FSTL4: variants seen among roughly 807,000 people sequenced by gnomAD.
The protein encoded by FSTL4 is follistatin-related protein 4.
Under a neutral mutation model 78.2 loss-of-function variants are expected in FSTL4, and 28 were observed. The observed-to-expected ratio is 0.36, with a 90% CI of 0.27 to 0.49. FSTL4 has a LOEUF of 0.49. Ranked by LOEUF, FSTL4 falls within the 20% of genes least tolerant of loss-of-function variation. The probability of loss-of-function intolerance (pLI) is 0.98; values close to 1 mark genes in which losing one functional copy is unlikely to be tolerated. For synonymous variants in FSTL4, 422 were observed against 440.5 expected (o/e 0.96, Z 0.53); for missense variants, 922 against 1,084.9 (o/e 0.85, Z 2.11).
At chr5:133,245,173 T>C (rs1196101543) in intron 7 of FSTL4, among the ~76,000 whole-genome samples, 1 of 149,264 alleles carries the variant, frequency 6.7e-6, no homozygotes, top group East Asian at 2.0e-4. Context: ...ACTGAACCAC[T>C]GCCCCATCAG....
At chr5:133,803,567 A>C in the FSTL4 span, among the ~76,000 whole-genome samples, 36 of 152,288 alleles carry the variant, frequency 2.4e-4, no homozygotes, top group African/African-American at 8.7e-4. Context: ...AATGGGAAAA[A>C]GTCCTCTGCA....
chr5:133,802,176 G>T, the FSTL4 span, among the ~76,000 whole-genome samples: 2 of 152,208 alleles, frequency 1.3e-5, no homozygotes, highest in African/African-American at 4.8e-5. Flanking sequence ...TAAGGGCCTG[G>T]ACTGATTTTG....
chr5:133,240,996 C>T (rs146592742), intron 7 of FSTL4, among the ~76,000 whole-genome samples: 33 of 152,146 alleles, frequency 2.2e-4, no homozygotes, highest in Non-Finnish European at 4.7e-4. Flanking sequence ...GGGCTGGGGA[C>T]GAGAGGGCAG....
chr5:133,680,469 C>G, the FSTL4 span, among the ~76,000 whole-genome samples: 267 of 152,260 alleles, frequency 1.8e-3, no homozygotes, highest in Middle Eastern at 0.014. Context: ...TCCACATGAC[C>G]GAAAGTAAGC....
chr5:133,339,102 C>T (rs1031100737), intron 4 of FSTL4, among the ~76,000 whole-genome samples: 1 of 152,106 alleles, frequency 6.6e-6, no homozygotes, highest in Admixed American at 6.5e-5. Flanking sequence ...CCCGTTCTGG[C>T]GACCCTGCGC....
chr5:133,387,615 G>C (rs1324984753), intron 4 of FSTL4, among the ~76,000 whole-genome samples: 2 of 151,992 alleles, frequency 1.3e-5, no homozygotes. Context: ...CTCTCTAATT[G>C]GTTAATCACA....
rs559771816 is a variant in FSTL4 at position 133,354,677 on chromosome 5, A to G, written c.410-38025T>C. Among the ~76,000 whole-genome samples the G allele has an allele frequency of 6.1e-4, 93 of 152,354 alleles. 1 individual carries two copies. In the South Asian group the frequency reaches 0.018, roughly 30 times the overall value. On this transcript the variant is annotated intron_variant, in intron 4 of 15. Transcript: ENST00000265342. ...ACTGGGCAGGGAATCCATGAGACCA[A>G]TCCATAGATACTGGTATAACTAAGG... is the stretch of plus-strand genomic sequence containing the variant.
intron 6 of FSTL4, among the ~76,000 whole-genome samples, chr5:133,251,248 C>T (rs1344998511): frequency 1.3e-5 from 2 of 152,156 alleles, no homozygotes; most frequent in Non-Finnish European, 2.9e-5. Flanking sequence ...CCGTACTCTG[C>T]GGGTCTGTAG....
In FSTL4 at chr5:133,489,775, C is replaced by A. The variant is rs1036389901; in HGVS notation, c.160+77411G>T. 3.3e-5 allele frequency among the ~76,000 whole-genome samples: 5 copies of A among 152,070 alleles called. No homozygotes were observed. In the East Asian group the frequency reaches 9.6e-4, roughly 29 times the overall value. ...GCTCTACCTGTAGGGCCCTGATGCC[C>A]TCCCTAGGTGGTGACAAAAGACAAG... On this transcript the variant is annotated intron_variant, in intron 3 of 15. Coordinates refer to ENST00000265342, the MANE Select transcript of FSTL4 (RefSeq NM_015082.2).
intron 4 of FSTL4, among the ~76,000 whole-genome samples, chr5:133,387,150 G>A (rs1755719100): frequency 6.6e-6 from 1 of 152,088 alleles, no homozygotes; most frequent in African/African-American, 2.4e-5. Context: ...GGTTGTTCAT[G>A]TCCCACCCAC....
intron 3 of FSTL4, among the ~76,000 whole-genome samples, chr5:133,408,778 G>T (rs1421578201): frequency 6.6e-6 from 1 of 152,150 alleles, no homozygotes; most frequent in Non-Finnish European, 1.5e-5. Flanking sequence ...GATAACAATG[G>T]TCCTTACGGG....
chr5:133,749,085 G>A, the FSTL4 span, among the ~76,000 whole-genome samples: 2 of 152,200 alleles, frequency 1.3e-5, no homozygotes, highest in South Asian at 4.1e-4. Context: ...TTGGTTGTGG[G>A]TAGATAATAG....
the FSTL4 span, among the ~76,000 whole-genome samples, chr5:133,656,780 T>C: frequency 2.7e-3 from 412 of 152,278 alleles, no homozygotes; most frequent in African/African-American, 9.5e-3. Flanking sequence ...TTGATTTGTG[T>C]CTTTAAAAGA....
chr5:133,594,231 C>G (rs1364156781), intron 2 of FSTL4, among the ~76,000 whole-genome samples: 1 of 152,200 alleles, frequency 6.6e-6, no homozygotes, highest in Non-Finnish European at 1.5e-5. Flanking sequence ...CACTCTGTTG[C>G]CCAGGCTGGA....
intron 3 of FSTL4, among the ~76,000 whole-genome samples, chr5:133,541,965 C>G (rs1016593247): frequency 2.7e-5 from 4 of 147,762 alleles, no homozygotes; most frequent in Non-Finnish European, 5.9e-5. Context: ...TAACTTTAAG[C>G]AATACTTAAC....
intron 6 of FSTL4, among the ~76,000 whole-genome samples, chr5:133,279,100 G>A (rs1473210877): frequency 6.6e-6 from 1 of 152,224 alleles, no homozygotes; most frequent in African/African-American, 2.4e-5. Flanking sequence ...TTTCTATAGA[G>A]AAGTTCTTTA....
At chr5:133,679,761 C>T in the FSTL4 span, among the ~76,000 whole-genome samples, 1 of 152,110 alleles carries the variant, frequency 6.6e-6, no homozygotes, top group African/African-American at 2.4e-5. Flanking sequence ...TGCACATGGC[C>T]TCCTGCTTGT....
At chr5:133,321,437 C>T (rs974035074) in intron 4 of FSTL4, among the ~76,000 whole-genome samples, 2 of 152,210 alleles carry the variant, frequency 1.3e-5, no homozygotes, top group African/African-American at 4.8e-5. Context: ...AGCCTTGATC[C>T]ACAGGATACT....
At chr5:133,690,585 G>C in the FSTL4 span, among the ~76,000 whole-genome samples, 1 of 152,280 alleles carries the variant, frequency 6.6e-6, no homozygotes, top group East Asian at 1.9e-4. Flanking sequence ...ACCCCATGTA[G>C]GGACTATCAA....
Sources: allele counts gnomAD v4.1 joint callset (sites outside exome capture counted in the v4.1 genomes callset), GRCh38; gene constraint gnomAD v4.1.1; transcripts MANE v1.5; gene names NCBI Gene and HGNC (gene_info 2026-07-23, HGNC 2026-07-21).